NIM1K: variants seen among roughly 807,000 people sequenced by gnomAD.
NIM1K encodes NIM1 serine/threonine protein kinase, also known as serine/threonine-protein kinase NIM1.
In NIM1K, 35 loss-of-function variants were observed where a neutral mutation model predicts 37.1. The observed-to-expected ratio is 0.94, with a 90% CI of 0.72 to 1.25. The LOEUF (loss-of-function observed/expected upper bound fraction) is 1.25, where lower values mean the gene tolerates loss of function less well. NIM1K is among the 50% of genes most tolerant of loss of function. The pLI, the probability that NIM1K is intolerant of heterozygous loss-of-function variation, is 0.00. For synonymous variants in NIM1K, 234 were observed against 206.6 expected (o/e 1.13, Z -1.14); for missense variants, 564 against 548.0 (o/e 1.03, Z -0.29).
chr5:43,237,895 T>C (rs1752643680), intron 1 of NIM1K, among the ~76,000 whole-genome samples: 1 of 152,148 alleles, frequency 6.6e-6, no homozygotes. Context: ...ACAGAAACCA[T>C]ATGTTTTACT....
At chr5:43,271,658 CTTA>C (rs1166960025) in intron 2 of NIM1K, among the ~76,000 whole-genome samples, 1 of 152,142 alleles carries the variant, frequency 6.6e-6, no homozygotes, top group Non-Finnish European at 1.5e-5. Context: ...ATTCACTGAT[CTTA>C]TTAAGATTTT....
At chr5:43,268,923 T>C (rs1753211718) in intron 2 of NIM1K, among the ~76,000 whole-genome samples, 1 of 152,148 alleles carries the variant, frequency 6.6e-6, no homozygotes, top group Non-Finnish European at 1.5e-5. Context: ...AGTGATATAA[T>C]TTTTGCAAAG....
At position 43,245,626 on chromosome 5, in the gene NIM1K, G is replaced by A. The variant is rs780431462; in HGVS notation, c.-150G>A. ...CGTTCACTGCCTTCCTCTCACTAAA[G>A]CCGAGAGGGAGGCTGCTCAGCTCTC... On this transcript the variant is annotated 5_prime_UTR_variant, in exon 2 of 4. Coordinates refer to ENST00000326035, the MANE Select transcript of NIM1K (RefSeq NM_153361.4). 58 of 715,248 alleles carry A rather than the reference G, an allele frequency of 8.1e-5. No individual in the cohort carries two copies. The highest frequency in any genetic ancestry group is 1.1e-4 in the Non-Finnish European group (49 of 438,002). The allele number at this position is 715,248 out of a possible 1,614,324, so 44.3% of individuals were successfully genotyped here.
In NIM1K at chr5:43,245,077, C is replaced by G. The variant is rs1233201923; in HGVS notation, c.-694-5C>G. The G allele has an allele frequency of 6.6e-6, 1 of 152,214 alleles. No individual in the cohort carries two copies. Among genetic ancestry groups the G allele is most frequent in the Admixed American group, 6.5e-5 (1 of 15,290 alleles). 9.4% of individuals were successfully genotyped at this position (152,214 alleles called of 1,614,324 possible). ...GCTAATAAATTTCTTACTCTCTATT[C>G]TTAGGTTGAACCAGCCAAATTTTCG... On this transcript the variant is annotated splice_region_variant and splice_polypyrimidine_tract_variant and intron_variant, in intron 1 of 3. Transcript: ENST00000326035.
chr5:43,247,511 G>T (rs1360105829), intron 2 of NIM1K, among the ~76,000 whole-genome samples: 1 of 152,180 alleles, frequency 6.6e-6, no homozygotes, highest in Admixed American at 6.5e-5. Flanking sequence ...CAGCTGCCAT[G>T]CCCTACAGCC....
intron 3 of NIM1K, among the ~76,000 whole-genome samples, chr5:43,278,890 AC>A (rs1285188038): frequency 6.6e-6 from 1 of 152,072 alleles, no homozygotes; most frequent in Non-Finnish European, 1.5e-5. Flanking sequence ...GTGATATATG[AC>A]CAATCATCAT....
intron 1 of NIM1K, among the ~76,000 whole-genome samples, chr5:43,208,367 G>A (rs1026183434): frequency 6.6e-6 from 1 of 152,162 alleles, no homozygotes; most frequent in Non-Finnish European, 1.5e-5. Context: ...CACTTTGGGA[G>A]GCCGACGCGG....
chr5:43,250,770 G>A (rs963182309), intron 2 of NIM1K, among the ~76,000 whole-genome samples: 3 of 152,184 alleles, frequency 2.0e-5, no homozygotes, highest in Admixed American at 6.5e-5. Context: ...GCTGCAGAAG[G>A]GTCACAGAGC....
At chr5:43,258,817 G>A (rs901290147) in intron 2 of NIM1K, among the ~76,000 whole-genome samples, 1 of 151,496 alleles carries the variant, frequency 6.6e-6, no homozygotes, top group Non-Finnish European at 1.5e-5. Flanking sequence ...AGTGGTTTTT[G>A]GTTACAATGA....
At chr5:43,212,427 A>G (rs1444794397) in intron 1 of NIM1K, among the ~76,000 whole-genome samples, 2 of 151,676 alleles carry the variant, frequency 1.3e-5, no homozygotes, top group African/African-American at 4.8e-5. Flanking sequence ...CTCTCACGTG[A>G]GGACCAAAAA....
At chr5:43,199,698 A>G (rs896793020) in intron 1 of NIM1K, among the ~76,000 whole-genome samples, 2 of 152,240 alleles carry the variant, frequency 1.3e-5, no homozygotes, top group East Asian at 1.9e-4. Flanking sequence ...TTGAGGGAGA[A>G]AGGGAAACTG....
intron 1 of NIM1K, chr5:43,232,930 C>T (rs1171789094): frequency 1.7e-6 from 2 of 1,154,384 alleles, no homozygotes; most frequent in Non-Finnish European, 1.3e-6. Flanking sequence ...GTTGTAGGTG[C>T]CAGTGCAAAC....
Position 43,280,248 on chromosome 5 carries a change from C to A in NIM1K, c.830C>A (p.Ala277Asp). The change falls in exon 4 of 4, where the codon GCC (alanine) becomes GAC (aspartate). Residue 277 changes from alanine (A) to aspartate (D), a missense_variant. Ala to Asp is a moderately radical substitution (Grantham distance 126). Transcript: ENST00000326035. The part of the protein sequence containing the change: ...GTMPFRAETV[A>D]KLKKSILEGT... Reference sequence around the variant, plus strand: ...ATGCCATTTCGGGCAGAAACCGTGGCCAAACTAAAAAAGAGCATCCTCGAG... The same window carrying A: ...ATGCCATTTCGGGCAGAAACCGTGGACAAACTAAAAAAGAGCATCCTCGAG... 6.2e-7 allele frequency: 1 copy of A among 1,614,092 alleles called. No homozygotes were observed. Among genetic ancestry groups the A allele is most frequent in the Non-Finnish European group, 8.5e-7 (1 of 1,180,024 alleles).
chr5:43,262,764 T>G (rs1301751969), intron 2 of NIM1K, among the ~76,000 whole-genome samples: 1 of 152,172 alleles, frequency 6.6e-6, no homozygotes, highest in Admixed American at 6.6e-5. Context: ...TAGCTCTTAC[T>G]ATTTTGTGAT....
chr5:43,236,584 TGAGC>T (rs761433709), intron 1 of NIM1K, among the ~76,000 whole-genome samples: 21 of 152,394 alleles, frequency 1.4e-4, no homozygotes, highest in Admixed American at 2.0e-4. Context: ...TGGCTGGAGC[TGAGC>T]AAGGGCTGCC....
At chr5:43,221,215 C>CT (rs1482002946) in intron 1 of NIM1K, among the ~76,000 whole-genome samples, 1 of 152,132 alleles carries the variant, frequency 6.6e-6, no homozygotes, top group Admixed American at 6.5e-5. Flanking sequence ...TGGCTCATGC[C>CT]TGTAATCCCA....
rs535764952 is a variant in NIM1K at position 43,253,304 on chromosome 5, G to T, written c.292+7237G>T. ...TACAGCAGTTTAACAGAGGCAGACAGGAAAAAATTGATGAGTGCTGTCCAG... is the reference window on the plus strand; with the variant it reads ...TACAGCAGTTTAACAGAGGCAGACATGAAAAAATTGATGAGTGCTGTCCAG... On this transcript the variant is annotated intron_variant, in intron 2 of 3. Coordinates refer to ENST00000326035, the MANE Select transcript of NIM1K (RefSeq NM_153361.4). Among the ~76,000 whole-genome samples, 4 of 150,258 alleles carry T rather than the reference G, an allele frequency of 2.7e-5. No homozygotes were observed. The South Asian group carries it at 8.4e-4, about 32-fold the overall frequency.
intron 1 of NIM1K, among the ~76,000 whole-genome samples, chr5:43,220,293 CTT>C (rs70994613): frequency 6.1e-5 from 8 of 130,392 alleles, no homozygotes; most frequent in Admixed American, 1.6e-4. Flanking sequence ...GTGGGTATCT[CTT>C]TTTTTTTTTT....
chr5:43,226,374 A>G (rs747359937), intron 1 of NIM1K, among the ~76,000 whole-genome samples: 1 of 152,212 alleles, frequency 6.6e-6, no homozygotes, highest in African/African-American at 2.4e-5. Context: ...GTAGTGGCTT[A>G]CACTTGATGG....
Sources: allele counts gnomAD v4.1 joint callset (sites outside exome capture counted in the v4.1 genomes callset), GRCh38; gene constraint gnomAD v4.1.1; transcripts MANE v1.5; gene names NCBI Gene and HGNC (gene_info 2026-07-23, HGNC 2026-07-21).